RAC2: variants seen among roughly 807,000 people sequenced by gnomAD.
The protein encoded by RAC2 is ras-related C3 botulinum toxin substrate 2.
Under a neutral mutation model 24.0 loss-of-function variants are expected in RAC2, and 1 was observed. That is an observed-to-expected ratio of 0.04 (90% CI 0.01 to 0.20). RAC2 has a LOEUF of 0.20. Ranked by LOEUF, RAC2 falls within the 10% of genes least tolerant of loss-of-function variation. The pLI is 1.00. For synonymous variants in RAC2, 114 were observed against 106.8 expected, an observed-to-expected ratio of 1.07 and a Z score of -0.41; for missense variants, 130 against 259.1, an observed-to-expected ratio of 0.50 and a Z score of 3.42.
intron 2 of RAC2, chr22:37,240,743 G>A: frequency 2.2e-6 from 1 of 462,280 alleles, no homozygotes; most frequent in African/African-American, 2.0e-5. Flanking sequence ...CCCCTTCGTG[G>A]TAGATCAGAA....
chr22:37,238,332 G>C (rs1241673534), intron 2 of RAC2, among the ~76,000 whole-genome samples: 1 of 152,034 alleles, frequency 6.6e-6, no homozygotes, highest in Non-Finnish European at 1.5e-5. Flanking sequence ...ACCCTCCTAG[G>C]CTCAAGCGAT....
chr22:37,240,792 A>G, intron 2 of RAC2: 1 of 526,616 alleles, frequency 1.9e-6, no homozygotes, highest in East Asian at 3.1e-5. Context: ...CTGCGCCTGG[A>G]GGCTTTAGAC....
At chr22:37,228,464 G>A (rs1569088373) in intron 5 of RAC2, among the ~76,000 whole-genome samples, 1 of 152,222 alleles carries the variant, frequency 6.6e-6, no homozygotes, top group East Asian at 1.9e-4. Flanking sequence ...AACCCCTTCT[G>A]CCGAGATGCT....
chr22:37,237,480 C>T (rs1454819189), intron 2 of RAC2, among the ~76,000 whole-genome samples: 1 of 152,112 alleles, frequency 6.6e-6, no homozygotes, highest in East Asian at 1.9e-4. Flanking sequence ...GGCACCCACA[C>T]ACACAGCGGC....
Position 37,226,912 on chromosome 22 carries a change from C to T in RAC2, c.449-109G>A, listed in dbSNP as rs111552866. On this transcript the variant is annotated intron_variant, in intron 5 of 6. Transcript: ENST00000249071. ...CCTTCCACGCCATACACCCCTCCCA[C>T]GCCATACACCCCTCCCACGCCATAC... 494 of 1,323,068 alleles carry T rather than the reference C, an allele frequency of 3.7e-4. 3 individuals are homozygous for T. The African/African-American group carries it at 6.7e-3, about 18-fold the overall frequency. 82.0% of individuals were successfully genotyped at this position (1,323,068 alleles called of 1,614,324 possible).
At chr22:37,238,230 C>T (rs925596932) in intron 2 of RAC2, among the ~76,000 whole-genome samples, 2 of 151,906 alleles carry the variant, frequency 1.3e-5, no homozygotes, top group Non-Finnish European at 2.9e-5. Flanking sequence ...TTTTGGGAGG[C>T]TCTTTTTATT....
chr22:37,238,531 C>T (rs1370376747), intron 2 of RAC2, among the ~76,000 whole-genome samples: 1 of 152,192 alleles, frequency 6.6e-6, no homozygotes, highest in Non-Finnish European at 1.5e-5. Flanking sequence ...TGAGCCACGG[C>T]GCCCAGCCTA....
intron 1 of RAC2, among the ~76,000 whole-genome samples, chr22:37,242,990 C>T (rs1200667102): frequency 6.6e-6 from 1 of 151,420 alleles, no homozygotes; most frequent in Non-Finnish European, 1.5e-5. Flanking sequence ...ACAAATTGGA[C>T]CTGTCCTTTT....
At position 37,231,939 on chromosome 22, in the gene RAC2, C is replaced by T. The variant is rs780585104; in HGVS notation, c.281G>A (p.Arg94His). The T allele has an allele frequency of 4.3e-5, 66 of 1,551,818 alleles. No homozygotes were observed. The highest frequency in any genetic ancestry group is 5.2e-5 in the Non-Finnish European group (60 of 1,147,194). The change falls in exon 4 of 7, where the codon CGC (arginine) becomes CAC (histidine). Residue 94 changes from arginine (R) to histidine (H), a missense_variant. Physicochemically the swap from Arg to His is conservative, Grantham distance 29 (BLOSUM62 0). Coordinates refer to ENST00000249071, the MANE Select transcript of RAC2 (RefSeq NM_002872.5). The surrounding 1 kb of genome is among the most constrained non-coding windows in gnomAD (Gnocchi z 5.5). ...LVSPASYENV[R>H]AKWFPEVRHH... is the part of the protein sequence containing the mutation. ...CCACCCTGTCCAGCTCACCTTGGCGCGGACGTTCTCATAAGAGGCTGGGCT... is the reference window on the plus strand; with the variant it reads ...CCACCCTGTCCAGCTCACCTTGGCGTGGACGTTCTCATAAGAGGCTGGGCT...
chr22:37,243,092 G>A lies in RAC2; in HGVS notation c.35+1022C>T, dbSNP rs184717638. On this transcript the variant is annotated intron_variant, in intron 1 of 6. Coordinates refer to ENST00000249071, the MANE Select transcript of RAC2 (RefSeq NM_002872.5). ...TAGCTCACTGCAGCCTCAAACTCCCGGGCTCAGGCGATTCTCCCACCTCAG... is the reference window on the plus strand; with the variant it reads ...TAGCTCACTGCAGCCTCAAACTCCCAGGCTCAGGCGATTCTCCCACCTCAG... 2.5e-3 allele frequency among the ~76,000 whole-genome samples: 381 copies of A among 152,256 alleles called. 1 individual carries two copies. Among genetic ancestry groups the A allele is most frequent in the African/African-American group, 8.6e-3 (358 of 41,540 alleles).
chr22:37,243,946 AC>A lies in RAC2; in HGVS notation c.35+167del, dbSNP rs1927482479. Among the ~76,000 whole-genome samples, 3 of 151,802 alleles carry A rather than the reference AC, an allele frequency of 2.0e-5. No individual in the cohort carries two copies. The South Asian group carries it at 6.2e-4, about 31-fold the overall frequency. ...AAGAGGGTGAAGCTCCCCTCAGCCCACCCCCGGGTGCTCCCTGTGGGCCCTC... is the reference window on the plus strand; with the variant it reads ...AAGAGGGTGAAGCTCCCCTCAGCCCACCCCGGGTGCTCCCTGTGGGCCCTC... On this transcript the variant is annotated intron_variant, in intron 1 of 6. Transcript: ENST00000249071.
intron 3 of RAC2, 100 bp from the exon 4 acceptor site, chr22:37,232,094 A>C: frequency 8.2e-7 from 1 of 1,218,898 alleles, no homozygotes; most frequent in Non-Finnish European, 1.2e-6. Context: ...TGAGGGTGGA[A>C]CACCCCAGGG....
intron 1 of RAC2, 115 bp from the exon 2 acceptor site, chr22:37,241,773 G>C: frequency 1.1e-6 from 1 of 903,104 alleles, no homozygotes; most frequent in East Asian, 2.5e-5. Context: ...AGCCCTCTGG[G>C]CCTCCGTCTC....
chr22:37,241,799 C>A, intron 1 of RAC2, 141 bp from the exon 2 acceptor site: 1 of 751,654 alleles, frequency 1.3e-6, no homozygotes. Flanking sequence ...GTGAGATGCC[C>A]CCTGTCTGTG....
intron 2 of RAC2, among the ~76,000 whole-genome samples, chr22:37,240,506 G>T (rs538513028): frequency 6.6e-6 from 1 of 152,330 alleles, no homozygotes; most frequent in Non-Finnish European, 1.5e-5. Context: ...GCAGGCCTTT[G>T]CTAGATGGTG....
At chr22:37,226,861 C>G (rs538511937) in intron 5 of RAC2, 58 bp from the exon 6 acceptor site, 1 of 1,598,400 alleles carries the variant, frequency 6.3e-7, no homozygotes, top group African/African-American at 1.4e-5. Flanking sequence ...GGTTCTGGGC[C>G]AACATGTCTC....
chr22:37,231,306 T>C lies in RAC2; in HGVS notation c.373A>G (p.Thr125Ala). 6.2e-7 allele frequency: 1 copy of C among 1,614,104 alleles called. No individual in the cohort carries two copies. The highest frequency in any genetic ancestry group is 8.5e-7 in the Non-Finnish European group (1 of 1,180,026). ...TTCTTCTCCTTCAGTTTCTCGATGG[T>C]GTCCTTGTCGTCCCGCAGGTCCAGC... ...TKLDLRDDKD[T>A]IEKLKEKKLA... Residue 125 changes from threonine (T) to alanine (A), a missense_variant, in exon 5 of 7, where the codon ACC becomes GCC. Physicochemically the swap from Thr to Ala is moderately conservative, Grantham distance 58 (BLOSUM62 0). Transcript: ENST00000249071. This position sits in a 1 kb window ranked among gnomAD's most constrained non-coding sequence, Gnocchi z 5.5.
intron 3 of RAC2, 61 bp from the exon 4 acceptor site, chr22:37,232,055 G>C: frequency 6.6e-7 from 1 of 1,513,654 alleles, no homozygotes; most frequent in African/African-American, 1.4e-5. Flanking sequence ...CACCATGGCA[G>C]CCACCGAGAG....
intron 2 of RAC2, among the ~76,000 whole-genome samples, chr22:37,235,481 C>T (rs1927195675): frequency 6.6e-6 from 1 of 152,188 alleles, no homozygotes; most frequent in African/African-American, 2.4e-5. Context: ...TCGGGGCTAC[C>T]ACCCCACCTA....
Sources: gnomAD v4.1 joint callset for allele counts (sites outside exome capture counted in the v4.1 genomes callset) on GRCh38, gnomAD v4.1.1 for gene constraint, Gnocchi (gnomAD v3.1) non-coding constraint, MANE v1.5 for transcripts, NCBI Gene and HGNC (gene_info 2026-07-23, HGNC 2026-07-21) for gene names.